Variants in P2RY6 observed in about 807,000 individuals in gnomAD.
The protein encoded by P2RY6 is pyrimidinergic receptor P2Y6, also known as P2Y purinoceptor 6.
In P2RY6, 19 loss-of-function variants were observed where a neutral mutation model predicts 16.3. That is an observed-to-expected ratio of 1.16 (90% CI 0.81 to 1.71). The LOEUF (loss-of-function observed/expected upper bound fraction) is 1.71. Among genes scored for constraint, P2RY6 ranks in the 40% most tolerant of loss-of-function variants. The probability of loss-of-function intolerance (pLI) is 0.00; values close to 1 mark genes in which losing one functional copy is unlikely to be tolerated. For missense variants in P2RY6, 389 were observed against 455.5 expected (o/e 0.85, Z 1.33); for synonymous variants, 184 against 201.5 (o/e 0.91, Z 0.74).
chr11:73,270,714 C>T (rs543781504), upstream of P2RY6, among the ~76,000 whole-genome samples: 12 of 152,278 alleles, frequency 7.9e-5, no homozygotes, highest in African/African-American at 2.6e-4. Flanking sequence ...GCGTTGGTGG[C>T]CCTGAGTTGC....
intron 1 of P2RY6, among the ~76,000 whole-genome samples, chr11:73,290,991 G>A (rs976124960): frequency 6.6e-6 from 1 of 152,224 alleles, no homozygotes; most frequent in Non-Finnish European, 1.5e-5. Context: ...AGGCCGGTGG[G>A]TAATGGGTAC....
chr11:73,282,284 C>T lies in P2RY6; in HGVS notation c.-121+9818C>T, dbSNP rs183358419. On this transcript the variant is annotated intron_variant, in intron 1 of 2. Transcript: ENST00000540124. ...CCAATTCATCCTCCAACTAGCAGCC[C>T]AAGGGACCTTCTAAGTCTCAAATTT... 3.3e-3 allele frequency among the ~76,000 whole-genome samples: 509 copies of T among 152,304 alleles called. 8 individuals carry two copies. The highest frequency in any genetic ancestry group is 0.011 in the African/African-American group (477 of 41,558).
chr11:73,270,017 G>C (rs946852729), upstream of P2RY6: 1 of 152,170 alleles, frequency 6.6e-6, no homozygotes, highest in Non-Finnish European at 1.5e-5. Flanking sequence ...CCTGCTCTGG[G>C]GCTACCTCAG....
chr11:73,283,788 G>T (rs147664710), intron 1 of P2RY6, among the ~76,000 whole-genome samples: 30 of 152,276 alleles, frequency 2.0e-4, no homozygotes, highest in Non-Finnish European at 3.8e-4. Context: ...GCTTGATTGC[G>T]CAGGGAGGAA....
chr11:73,290,819 C>A (rs1206634885), intron 1 of P2RY6, among the ~76,000 whole-genome samples: 1 of 152,248 alleles, frequency 6.6e-6, no homozygotes, highest in Non-Finnish European at 1.5e-5. Context: ...TAGGCCTAGC[C>A]AGGTCCATGG....
intron 1 of P2RY6, among the ~76,000 whole-genome samples, chr11:73,273,043 C>T (rs1011725850): frequency 6.6e-6 from 1 of 151,374 alleles, no homozygotes; most frequent in African/African-American, 2.4e-5. Context: ...CTCTGCCATT[C>T]CAGCTAAATC....
At chr11:73,296,257 T>TAA (rs1864476863) in intron 2 of P2RY6, among the ~76,000 whole-genome samples, 4 of 143,846 alleles carry the variant, frequency 2.8e-5, no homozygotes, top group South Asian at 2.2e-4. Flanking sequence ...TATATATATA[T>TAA]AATATATAAA....
rs552072690 is a variant in P2RY6 at position 73,273,206 on chromosome 11, G to A, written c.-121+740G>A. ...AGAGTTTCTATTGCCATTCAGCTCT[G>A]CTGACACCGACACAGAGAAAACAGG... is the stretch of plus-strand genomic sequence containing the variant. On this transcript the variant is annotated intron_variant, in intron 1 of 2. Transcript: ENST00000540124. Among the ~76,000 whole-genome samples the A allele has an allele frequency of 1.0e-3, 159 of 152,134 alleles. 1 individual carries two copies. The highest frequency in any genetic ancestry group is 6.9e-4 in the Non-Finnish European group (47 of 68,020).
chr11:73,270,177 A>G (rs1863241755), upstream of P2RY6: 2 of 152,258 alleles, frequency 1.3e-5, no homozygotes, highest in Middle Eastern at 6.8e-3. Flanking sequence ...CACTTCCTCT[A>G]TTTGGCAGAT....
upstream of P2RY6, among the ~76,000 whole-genome samples, chr11:73,271,371 T>G (rs1367332635): frequency 6.6e-6 from 1 of 152,162 alleles, no homozygotes; most frequent in African/African-American, 2.4e-5. Flanking sequence ...TTTAATCAGC[T>G]GGGAGCATCG....
intron 1 of P2RY6, among the ~76,000 whole-genome samples, chr11:73,291,422 G>A (rs537949550): frequency 1.1e-4 from 16 of 152,276 alleles, no homozygotes; most frequent in African/African-American, 3.4e-4. Flanking sequence ...CAAAGGACTG[G>A]CTGCTGAGCT....
At position 73,277,289 on chromosome 11, in the gene P2RY6, T is replaced by C. The variant is rs1166998962; in HGVS notation, c.-121+4823T>C. Among the ~76,000 whole-genome samples, 2 of 152,170 alleles carry C rather than the reference T, an allele frequency of 1.3e-5. 1 individual carries two copies. The highest frequency in any genetic ancestry group is 1.3e-4 in the Admixed American group (2 of 15,288). Reference sequence around the variant, plus strand: ...CCACCACACCTGGCTAATTTTTGTATTTTTGGTAGAGACAGAGTTTCACCA... The same window carrying C: ...CCACCACACCTGGCTAATTTTTGTACTTTTGGTAGAGACAGAGTTTCACCA... On this transcript the variant is annotated intron_variant, in intron 1 of 2. Transcript: ENST00000540124.
intron 1 of P2RY6, chr11:73,289,310 T>A (rs559473284): frequency 6.6e-6 from 1 of 152,500 alleles, no homozygotes; most frequent in African/African-American, 2.4e-5. Context: ...TTGCCAAAGG[T>A]GTACCCGGGT....
rs1341763227 is a variant in P2RY6 at position 73,273,109 on chromosome 11, A to AG, written c.-121+644dup. Among the ~76,000 whole-genome samples the AG allele has an allele frequency of 9.4e-5, 14 of 149,708 alleles. No homozygotes were observed. In the South Asian group the frequency reaches 2.3e-3, roughly 24 times the overall value. Reference sequence around the variant, plus strand: ...GTGGTTTGGAAAAAAAAAAAAAAAAAGTCCCTGAGTCCAGGTGTGACTTGT... The same window carrying AG: ...GTGGTTTGGAAAAAAAAAAAAAAAAAGGTCCCTGAGTCCAGGTGTGACTTGT... On this transcript the variant is annotated intron_variant, in intron 1 of 2. Coordinates refer to ENST00000540124, the MANE Select transcript of P2RY6 (RefSeq NM_001277204.2).
intron 1 of P2RY6, chr11:73,265,105 TTG>T (rs1378885207): frequency 6.5e-6 from 1 of 152,952 alleles, no homozygotes; most frequent in Non-Finnish European, 1.5e-5. Context: ...GGTGTGTGTT[TTG>T]TGTGGCACAT....
At chr11:73,275,331 G>A (rs1045990029) in intron 1 of P2RY6, among the ~76,000 whole-genome samples, 1 of 152,204 alleles carries the variant, frequency 6.6e-6, no homozygotes, top group Non-Finnish European at 1.5e-5. Context: ...AACTCAGAGT[G>A]AGGGATAACC....
At chr11:73,290,012 G>A (rs1270715717) in intron 1 of P2RY6, among the ~76,000 whole-genome samples, 3 of 152,164 alleles carry the variant, frequency 2.0e-5, no homozygotes, top group South Asian at 2.1e-4. Context: ...ACCTGAGGTC[G>A]GGAGTTAGAG....
chr11:73,296,830 C>T lies in P2RY6; in HGVS notation c.312C>T (p.Phe104=), dbSNP rs754116180. 4 of 1,610,582 alleles carry T rather than the reference C, an allele frequency of 2.5e-6. No individual in the cohort carries two copies. The South Asian group carries it at 4.4e-5, about 18-fold the overall frequency. Residue 104 remains phenylalanine, a synonymous_variant, in exon 3 of 3, where the codon TTC becomes TTT. Coordinates refer to ENST00000540124, the MANE Select transcript of P2RY6 (RefSeq NM_001277204.2). The stretch of plus-strand genomic sequence containing the variant: ...ACTTCGCCTGCCGCCTGGTCCGCTT[C>T]CTCTTCTATGCCAACCTGCACGGCA... ...FGDFACRLVR[F]LFYANLHGSI...
intron 1 of P2RY6, among the ~76,000 whole-genome samples, chr11:73,288,443 G>A (rs1864055416): frequency 6.6e-6 from 1 of 152,234 alleles, no homozygotes; most frequent in Non-Finnish European, 1.5e-5. Flanking sequence ...GGGGAAGTGG[G>A]AAAGGAGTAG....
Sources: allele counts gnomAD v4.1 joint callset (sites outside exome capture counted in the v4.1 genomes callset), GRCh38; gene constraint gnomAD v4.1.1; transcripts MANE v1.5; gene names NCBI Gene and HGNC (gene_info 2026-07-23, HGNC 2026-07-21).